The following HDAC9 variants were observed in gnomAD, a reference collection of about 807,000 sequenced individuals.
The protein encoded by HDAC9 is histone deacetylase 9.
HDAC9 carries 41 observed loss-of-function variants against 139.4 expected under a neutral mutation model. The ratio of observed to expected loss-of-function variants is 0.29; its 90% confidence interval spans 0.23 to 0.38. The LOEUF is 0.38. HDAC9 is among the 10% of genes least tolerant of loss of function. HDAC9 has a pLI of 1.00. For synonymous variants in HDAC9, 517 were observed against 476.2 expected, an observed-to-expected ratio of 1.09 and a Z score of -1.12; for missense variants, 1,147 against 1,297.0, an observed-to-expected ratio of 0.88 and a Z score of 1.78.
intron 1 of HDAC9, among the ~76,000 whole-genome samples, chr7:18,484,853 TAAAA>T (rs71553929): frequency 7.2e-6 from 1 of 139,300 alleles, no homozygotes. Flanking sequence ...ACCCCACCTG[TAAAA>T]AAAAAAAAAA....
chr7:18,350,597 G>C (rs1782775861), intron 1 of HDAC9, among the ~76,000 whole-genome samples: 1 of 152,126 alleles, frequency 6.6e-6, no homozygotes, highest in African/African-American at 2.4e-5. Context: ...GTGAGAAGGT[G>C]GATATTTATA....
At chr7:18,228,890 G>T (rs369076384) in intron 2 of HDAC9, among the ~76,000 whole-genome samples, 4 of 152,120 alleles carry the variant, frequency 2.6e-5, no homozygotes, top group African/African-American at 7.2e-5. Context: ...GAATACAGTC[G>T]TGTGAGCCTG....
chr7:18,095,042 G>T (rs575386336), intron 1 of HDAC9, among the ~76,000 whole-genome samples: 119 of 152,214 alleles, frequency 7.8e-4, no homozygotes, highest in African/African-American at 2.6e-3. Flanking sequence ...TTGAGTTTCT[G>T]CCTCTTGCAA....
intron 22 of HDAC9, among the ~76,000 whole-genome samples, chr7:18,875,257 T>TG (rs1176473735): frequency 1.3e-5 from 2 of 151,778 alleles, no homozygotes; most frequent in Non-Finnish European, 2.9e-5. Context: ...GCTCTCTGAG[T>TG]GGGAAAAAAG....
At chr7:18,557,520 AAGAT>A (rs1312703868) in intron 2 of HDAC9, among the ~76,000 whole-genome samples, 1 of 150,906 alleles carries the variant, frequency 6.6e-6, no homozygotes, top group Non-Finnish European at 1.5e-5. Flanking sequence ...TATTTCATGA[AAGAT>A]AGACTTTATG....
intron 25 of HDAC9, among the ~76,000 whole-genome samples, chr7:18,983,090 C>G (rs1341143929): frequency 6.6e-6 from 1 of 152,070 alleles, no homozygotes; most frequent in Non-Finnish European, 1.5e-5. Context: ...AGCCATTGAC[C>G]AGCTCCTTCA....
At chr7:18,625,298 T>C (rs1386996422) in intron 6 of HDAC9, among the ~76,000 whole-genome samples, 1 of 152,180 alleles carries the variant, frequency 6.6e-6, no homozygotes, top group Non-Finnish European at 1.5e-5. Flanking sequence ...TTCTCCAGCT[T>C]CTTTGGGAAT....
intron 2 of HDAC9, among the ~76,000 whole-genome samples, chr7:18,266,964 A>T (rs1015322988): frequency 2.7e-3 from 22 of 8,100 alleles, no homozygotes; most frequent in African/African-American, 0.018. Context: ...TCAAACTGAG[A>T]AAAAAAAATT....
rs531658056 is a variant in HDAC9 at position 18,406,576 on chromosome 7, G to T, written c.-41-89686G>T. Among the ~76,000 whole-genome samples, 5 of 151,920 alleles carry T rather than the reference G, an allele frequency of 3.3e-5. No individual in the cohort carries two copies. The East Asian group carries it at 5.8e-4, about 18-fold the overall frequency. On this transcript the variant is annotated intron_variant, in intron 1 of 3. Transcript: ENST00000413509. ...GCCCGGCTAATTTTTTGTATTTTTA[G>T]TAGAGACGGGGTTTCACCGTGTTAG...
intron 1 of HDAC9, among the ~76,000 whole-genome samples, chr7:18,368,070 C>T (rs1278655315): frequency 3.9e-5 from 6 of 152,082 alleles, no homozygotes; most frequent in East Asian, 1.9e-4. Context: ...ATACTAATCC[C>T]GTGTCAATTT....
At chr7:18,101,270 T>C (rs1782842926) in intron 1 of HDAC9, among the ~76,000 whole-genome samples, 1 of 152,230 alleles carries the variant, frequency 6.6e-6, no homozygotes, top group African/African-American at 2.4e-5. Context: ...TATTCTAGGC[T>C]CTGCCTGGGT....
At chr7:18,688,479 T>C (rs1334747645) in intron 12 of HDAC9, among the ~76,000 whole-genome samples, 2 of 151,964 alleles carry the variant, frequency 1.3e-5, no homozygotes, top group Non-Finnish European at 2.9e-5. Flanking sequence ...TTTTTACATA[T>C]GCCCTCTATA....
At chr7:18,865,857 AAT>A (rs1398970928) in intron 21 of HDAC9, among the ~76,000 whole-genome samples, 38 of 152,050 alleles carry the variant, frequency 2.5e-4, no homozygotes, top group African/African-American at 7.5e-4. Context: ...ATAATTTTAT[AAT>A]ATGATGCTTT....
chr7:18,834,902 C>T (rs1796124569), intron 19 of HDAC9, among the ~76,000 whole-genome samples: 1 of 152,182 alleles, frequency 6.6e-6, no homozygotes, highest in Non-Finnish European at 1.5e-5. Context: ...CAAATCAATG[C>T]ATACACGTAT....
chr7:18,540,950 G>C (rs973805194), intron 2 of HDAC9, among the ~76,000 whole-genome samples: 15 of 152,072 alleles, frequency 9.9e-5, no homozygotes, highest in African/African-American at 3.1e-4. Context: ...TATAGATAAA[G>C]AAACTGACAC....
chr7:18,853,445 G>C (rs1465123061), intron 21 of HDAC9, among the ~76,000 whole-genome samples: 1 of 152,124 alleles, frequency 6.6e-6, no homozygotes, highest in East Asian at 1.9e-4. Flanking sequence ...GTTACAAAAT[G>C]AGCATCAATT....
intron 1 of HDAC9, among the ~76,000 whole-genome samples, chr7:18,134,443 A>G (rs1344932736): frequency 6.6e-6 from 1 of 152,128 alleles, no homozygotes; most frequent in East Asian, 1.9e-4. Flanking sequence ...CATTAACTGT[A>G]CTGTCATTAT....
chr7:18,263,167 G>A (rs952218519), intron 2 of HDAC9, among the ~76,000 whole-genome samples: 8 of 152,032 alleles, frequency 5.3e-5, no homozygotes, highest in Non-Finnish European at 7.4e-5. Flanking sequence ...TAAAAGAATG[G>A]AGGAAGATAT....
intron 12 of HDAC9, chr7:18,667,842 T>C (rs1301986651): frequency 1.0e-6 from 1 of 983,994 alleles, no homozygotes; most frequent in Non-Finnish European, 1.2e-6. Flanking sequence ...CATATTCCCT[T>C]TTGATATGTT....
Sources: allele counts gnomAD v4.1 joint callset (sites outside exome capture counted in the v4.1 genomes callset), GRCh38; gene constraint gnomAD v4.1.1; transcripts MANE v1.5; gene names NCBI Gene and HGNC (gene_info 2026-07-23, HGNC 2026-07-21).